Variants in AGO3 observed in about 807,000 individuals in gnomAD.
AGO3 encodes the protein protein argonaute-3.
AGO3 carries 16 observed loss-of-function variants against 105.5 expected under a neutral mutation model. The observed-to-expected ratio is 0.15, with a 90% CI of 0.10 to 0.23. The LOEUF (loss-of-function observed/expected upper bound fraction) is 0.23. Ranked by LOEUF, AGO3 falls within the 10% of genes least tolerant of loss-of-function variation. The pLI is 1.00. For synonymous variants in AGO3, 340 were observed against 367.3 expected (o/e 0.93, Z 0.85); for missense variants, 534 against 1,088.0 (o/e 0.49, Z 7.16).
At position 36,009,575 on chromosome 1, in the gene AGO3, A is replaced by G; in HGVS notation, c.1130A>G (p.Gln377Arg). The G allele has an allele frequency of 6.2e-7, 1 of 1,611,618 alleles. No individual in the cohort carries two copies. The highest frequency in any genetic ancestry group is 1.1e-5 in the South Asian group (1 of 90,892). ...ACAGCAAGATCTGCACCAGATAGAC[A>G]AGAGGAAATTAGCAGATTGGTTAGT... The part of the protein sequence containing the change: ...KATARSAPDR[Q>R]EEISRLVRSA... The change falls in exon 9 of 19, where the codon CAA (glutamine) becomes CGA (arginine). Residue 377 changes from glutamine to arginine, a missense_variant. Physicochemically the swap from Gln to Arg is conservative, Grantham distance 43. Transcript: ENST00000373191.
rs1646353496 is a variant in AGO3 at position 35,945,758 on chromosome 1, C to T, written c.86C>T (p.Pro29Leu). 1 of 1,613,462 alleles carries T rather than the reference C, an allele frequency of 6.2e-7. No homozygotes were observed. The highest frequency in any genetic ancestry group is 1.7e-5 in the Admixed American group (1 of 60,012). Residue 29 changes from proline to leucine, a missense_variant, in exon 2 of 19, where the codon CCC becomes CTC. Pro to Leu is a moderately conservative substitution (Grantham distance 98). Transcript: ENST00000373191. ...RRPGYGTMGK[P>L]IKLLANCFQV... ...CCTGGCTATGGCACCATGGGCAAAC[C>T]CATTAAACTGCTGGCTAACTGTTTT...
chr1:35,951,003 C>T (rs1234193087), intron 2 of AGO3, among the ~76,000 whole-genome samples: 1 of 152,142 alleles, frequency 6.6e-6, no homozygotes, highest in Non-Finnish European at 1.5e-5. Context: ...GTTGCCCAGG[C>T]TGGAGTGCAA....
intron 12 of AGO3, among the ~76,000 whole-genome samples, chr1:36,028,963 G>T (rs1450397663): frequency 5.3e-5 from 8 of 152,166 alleles, no homozygotes; most frequent in Non-Finnish European, 1.0e-4. Context: ...TTACAGGTGT[G>T]AGCCACTGCA....
At chr1:36,034,086 AG>A (rs1034471210) in intron 12 of AGO3, 87 bp from the exon 13 acceptor site, 69 of 1,289,990 alleles carry the variant, frequency 5.3e-5, no homozygotes, top group Admixed American at 6.9e-5. Flanking sequence ...ATGGATTTTA[AG>A]GGGGAAACAT....
At chr1:36,009,441 A>T (rs376295069) in intron 8 of AGO3, 34 bp from the exon 9 acceptor site, 1 of 1,582,754 alleles carries the variant, frequency 6.3e-7, no homozygotes, top group Non-Finnish European at 8.6e-7. Flanking sequence ...AAAAAGATAT[A>T]TACATGTAGT....
chr1:36,004,268 C>A, intron 5 of AGO3, 73 bp from the exon 6 acceptor site: 3 of 1,460,138 alleles, frequency 2.1e-6, no homozygotes, highest in Admixed American at 2.0e-5. Flanking sequence ...GATAGTTATC[C>A]TGGAGCCTAA....
chr1:36,035,547 AT>A (rs1641963299), intron 13 of AGO3, among the ~76,000 whole-genome samples: 3 of 152,338 alleles, frequency 2.0e-5, no homozygotes, highest in South Asian at 2.1e-4. Context: ...AAGTGTAATG[AT>A]TCCTTTTTCC....
intron 2 of AGO3, among the ~76,000 whole-genome samples, chr1:35,959,383 C>T (rs977339594): frequency 2.6e-5 from 4 of 152,088 alleles, no homozygotes; most frequent in Non-Finnish European, 5.9e-5. Context: ...CTTAAATTCT[C>T]ACGTGACGTT....
chr1:35,967,823 A>G (rs2148770767), intron 3 of AGO3, among the ~76,000 whole-genome samples: 1 of 152,318 alleles, frequency 6.6e-6, no homozygotes, highest in East Asian at 1.9e-4. Flanking sequence ...TTAATCAACA[A>G]TACAAATTCC....
At position 36,060,921 on chromosome 1, in the gene AGO3, C is replaced by T. The variant is rs1456737171; in HGVS notation, c.*5176C>T. ...AACGCCTTCCTGTGTAGCAGTATAA[C>T]CCTAATTTAGAACTCTTGTTTTCCT... On this transcript the variant is annotated 3_prime_UTR_variant, in exon 19 of 19. Transcript: ENST00000373191. The T allele has an allele frequency of 6.6e-6, 1 of 152,130 alleles. No individual in the cohort carries two copies. The highest frequency in any genetic ancestry group is 1.5e-5 in the Non-Finnish European group (1 of 68,022). 9.4% of individuals were successfully genotyped at this position (152,130 alleles called of 1,614,324 possible). A position where few individuals can be genotyped will look rare whatever the true frequency, so the allele number is the denominator to read the frequency against.
At chr1:36,053,683 A>G (rs1642810037) in intron 17 of AGO3, among the ~76,000 whole-genome samples, 1 of 151,168 alleles carries the variant, frequency 6.6e-6, no homozygotes, top group East Asian at 1.9e-4. Flanking sequence ...GAGCTCAGCA[A>G]TCTTCCTGCC....
At chr1:36,012,245 G>T (rs749114121) in intron 9 of AGO3, among the ~76,000 whole-genome samples, 1 of 151,282 alleles carries the variant, frequency 6.6e-6, no homozygotes, top group Non-Finnish European at 1.5e-5. Flanking sequence ...GGGGTGGGAG[G>T]ATCGCTTGGG....
chr1:35,934,775 C>G (rs1179727888), intron 1 of AGO3, among the ~76,000 whole-genome samples: 1 of 151,984 alleles, frequency 6.6e-6, no homozygotes, highest in Non-Finnish European at 1.5e-5. Context: ...CTCAGCCTCC[C>G]GAGTAGATGG....
At chr1:35,997,595 G>T (rs1463596706) in intron 5 of AGO3, among the ~76,000 whole-genome samples, 1 of 152,152 alleles carries the variant, frequency 6.6e-6, no homozygotes, top group Non-Finnish European at 1.5e-5. Flanking sequence ...CTATTGTGTT[G>T]AGTAGTTTAG....
intron 11 of AGO3, among the ~76,000 whole-genome samples, chr1:36,023,269 AGGAAT>A (rs1200232720): frequency 6.6e-6 from 1 of 152,224 alleles, no homozygotes; most frequent in Non-Finnish European, 1.5e-5. Context: ...GCTGCAAGAG[AGGAAT>A]GGACACAGAG....
intron 9 of AGO3, 151 bp downstream of exon 9, chr1:36,009,745 T>G (rs1266835680): frequency 1.2e-6 from 1 of 868,272 alleles, no homozygotes; most frequent in Non-Finnish European, 1.7e-6. Context: ...ATGTTCTTGA[T>G]ACAAGCCTTG....
At chr1:35,941,245 C>A (rs1370087084) in intron 1 of AGO3, among the ~76,000 whole-genome samples, 1 of 152,062 alleles carries the variant, frequency 6.6e-6, no homozygotes, top group Non-Finnish European at 1.5e-5. Flanking sequence ...GTCAGGCCTA[C>A]CTTCTAAATG....
intron 5 of AGO3, among the ~76,000 whole-genome samples, chr1:35,985,893 G>C (rs1325066115): frequency 2.0e-5 from 3 of 152,096 alleles, no homozygotes; most frequent in Non-Finnish European, 2.9e-5. Context: ...TTGAAAAATA[G>C]GTAGTTCTCA....
intron 5 of AGO3, chr1:36,004,123 G>A (rs1278516421): frequency 2.4e-5 from 10 of 408,304 alleles, no homozygotes; most frequent in Middle Eastern, 6.7e-4. Flanking sequence ...AGTTACTTAC[G>A]ATGAAAGAGA....
Sources: allele counts gnomAD v4.1 joint callset (sites outside exome capture counted in the v4.1 genomes callset), GRCh38; gene constraint gnomAD v4.1.1; transcripts MANE v1.5; gene names NCBI Gene and HGNC (gene_info 2026-07-23, HGNC 2026-07-21).